The following DYNC1H1 variants were observed in gnomAD, a reference collection of about 807,000 sequenced individuals.
DYNC1H1 encodes the protein cytoplasmic dynein 1 heavy chain 1.
Under a neutral mutation model 527.1 loss-of-function variants are expected in DYNC1H1, and 51 were observed. The observed-to-expected ratio is 0.10, with a 90% CI of 0.08 to 0.12. The LOEUF (loss-of-function observed/expected upper bound fraction) is 0.12, where lower values mean the gene tolerates loss of function less well. Among genes scored for constraint, DYNC1H1 ranks in the 10% least tolerant of loss-of-function variants. The pLI is 1.00. For missense variants in DYNC1H1, 2,771 were observed against 5,971.8 expected, an observed-to-expected ratio of 0.46 and a Z score of 17.66; for synonymous variants, 2,189 against 2,278.8, an observed-to-expected ratio of 0.96 and a Z score of 1.12.
rs201479988 is a variant in DYNC1H1, at chr14:102,039,300, C to T, written c.11460+46C>T. On this transcript the variant is annotated intron_variant, in intron 60 of 77. Transcript: ENST00000360184. This position sits in a 1 kb window ranked among gnomAD's most constrained non-coding sequence, Gnocchi z 7.0. The stretch of plus-strand genomic sequence containing the variant: ...GAGACTGGCGGGCCCCGCACAGTAG[C>T]TCCTTGGCCGCACAGAGGCTGGCGG... 16 of 1,611,292 alleles carry T rather than the reference C, an allele frequency of 9.9e-6. No individual in the cohort carries two copies. The East Asian group carries it at 2.5e-4, about 25-fold the overall frequency.
chr14:101,987,268 CT>C (rs1312585107), intron 8 of DYNC1H1, among the ~76,000 whole-genome samples, 184 bp from the exon 9 acceptor site: 1 of 152,232 alleles, frequency 6.6e-6, no homozygotes, highest in Non-Finnish European at 1.5e-5. Context: ...ATGCATTTTC[CT>C]TTCCTCTGCA....
At position 102,001,726 on chromosome 14, in the gene DYNC1H1, A is replaced by G; in HGVS notation, c.4542+45A>G. On this transcript the variant is annotated intron_variant, in intron 21 of 77. Coordinates refer to ENST00000360184, the MANE Select transcript of DYNC1H1 (RefSeq NM_001376.5). The surrounding 1 kb of genome is among the most constrained non-coding windows in gnomAD (Gnocchi z 5.0). ...TTTCCCTCCCCACCAGTGGTCTCCC[A>G]CGCTTTCACTGTAATGCCTTTTCAC... 1 of 1,612,658 alleles carries G rather than the reference A, an allele frequency of 6.2e-7. No homozygotes were observed. The highest frequency in any genetic ancestry group is 8.5e-7 in the Non-Finnish European group (1 of 1,179,680).
In DYNC1H1 at chr14:102,047,637, GTGTGTA is replaced by G. The variant is rs772546616; in HGVS notation, c.13007-178_13007-173del. The G allele has an allele frequency of 3.2e-4, 125 of 393,780 alleles. 1 individual carries two copies. Among genetic ancestry groups the G allele is most frequent in the African/African-American group, 2.2e-3 (50 of 22,398 alleles). The allele number at this position is 393,780 out of a possible 1,614,324, so 24.4% of individuals were successfully genotyped here. A position where few individuals can be genotyped will look rare whatever the true frequency, so the allele number is the denominator to read the frequency against. On this transcript the variant is annotated intron_variant, in intron 72 of 77. Transcript: ENST00000360184. ...TATATACACGTGTGTGTGTGTGTGTGTGTGTATATATATATATATATATATATGTAC... is the reference window on the plus strand; with the variant it reads ...TATATACACGTGTGTGTGTGTGTGTGTATATATATATATATATATATGTAC...
chr14:102,042,260 G>T lies in DYNC1H1; in HGVS notation c.12247G>T (p.Ala4083Ser), dbSNP rs1333412604. The change falls in exon 67 of 78, where the codon GCA (alanine) becomes TCA (serine). Residue 4083 changes from alanine (A) to serine (S), a missense_variant. Ala to Ser is a moderately conservative substitution (Grantham distance 99). Coordinates refer to ENST00000360184, the MANE Select transcript of DYNC1H1 (RefSeq NM_001376.5). The surrounding 1 kb of genome is among the most constrained non-coding windows in gnomAD (Gnocchi z 5.7). Reference sequence around the variant, plus strand: ...AGAAGGCTTTAACCAAGCAGATAAGGCAATAAACACCGCTGTAAAGTCGGG... The same window carrying T: ...AGAAGGCTTTAACCAAGCAGATAAGTCAATAAACACCGCTGTAAAGTCGGG... ...SAEGFNQADKAINTAVKSGRW... is the reference protein window; with the variant it reads ...SAEGFNQADKSINTAVKSGRW... The T allele has an allele frequency of 1.2e-6, 2 of 1,613,900 alleles. No individual in the cohort carries two copies. Among genetic ancestry groups the T allele is most frequent in the Admixed American group, 3.3e-5 (2 of 59,974 alleles).
chr14:102,007,877 G>T (rs1316085826), intron 28 of DYNC1H1, among the ~76,000 whole-genome samples: 3 of 152,234 alleles, frequency 2.0e-5, no homozygotes, highest in African/African-American at 4.8e-5. Context: ...TCAGTTCCCA[G>T]TGAGGGCCCT....
chr14:102,013,262 A>AG (rs1245558704), intron 34 of DYNC1H1, among the ~76,000 whole-genome samples: 10 of 151,348 alleles, frequency 6.6e-5, no homozygotes, highest in Non-Finnish European at 1.2e-4. Context: ...AAAAAAAAAA[A>AG]AAAAAAAAAA....
intron 1 of DYNC1H1, among the ~76,000 whole-genome samples, chr14:101,966,635 T>C (rs2047671392): frequency 6.6e-6 from 1 of 152,220 alleles, no homozygotes; most frequent in Non-Finnish European, 1.5e-5. Flanking sequence ...GTATTTTGAG[T>C]AGCTTGACCA....
rs2047928831 is a variant in DYNC1H1 at position 101,985,672 on chromosome 14, A to C, written c.1462-15A>C. The C allele has an allele frequency of 1.2e-6, 2 of 1,613,794 alleles. No individual in the cohort carries two copies. Among genetic ancestry groups the C allele is most frequent in the East Asian group, 4.5e-5 (2 of 44,892 alleles). ...TTTGGTCAGCATTTCTTGATTACAT[A>C]TCTTTCTCCTTTAGGTCACGGCAGT... On this transcript the variant is annotated splice_polypyrimidine_tract_variant and intron_variant, in intron 7 of 77. Transcript: ENST00000360184. This position sits in a 1 kb window ranked among gnomAD's most constrained non-coding sequence, Gnocchi z 5.9.
intron 2 of DYNC1H1, among the ~76,000 whole-genome samples, chr14:101,976,953 G>A (rs2047808009): frequency 6.6e-6 from 1 of 152,180 alleles, no homozygotes. Flanking sequence ...AAGTATGCTG[G>A]AGGATGTGCA....
chr14:102,038,760 C>G lies in DYNC1H1; in HGVS notation c.11118C>G (p.Ser3706Arg). ...TTGTAAACTTCACAGTTACCCGTAGCAGTTTACAAAGCCAGTGTCTAAATG... is the reference window on the plus strand; with the variant it reads ...TTGTAAACTTCACAGTTACCCGTAGGAGTTTACAAAGCCAGTGTCTAAATG... ...VTFVNFTVTRSSLQSQCLNEV... is the reference protein window; with the variant it reads ...VTFVNFTVTRRSLQSQCLNEV... The change falls in exon 59 of 78, where the codon AGC becomes AGG. Residue 3706 changes from serine to arginine, a missense_variant. This residue lies in a region of DYNC1H1 where 283 missense variants were observed against 737.6 expected (regional missense o/e 0.38). Transcript: ENST00000360184. This position sits in a 1 kb window ranked among gnomAD's most constrained non-coding sequence, Gnocchi z 7.2. The G allele has an allele frequency of 1.2e-6, 2 of 1,614,190 alleles. No homozygotes were observed. The highest frequency in any genetic ancestry group is 1.7e-6 in the Non-Finnish European group (2 of 1,180,034).
In DYNC1H1 at chr14:102,005,880, T is replaced by C. The variant is rs750995703; in HGVS notation, c.5434-8T>C. The C allele has an allele frequency of 3.1e-6, 5 of 1,613,958 alleles. No homozygotes were observed. In the East Asian group the frequency reaches 8.9e-5, roughly 29 times the overall value. On this transcript the variant is annotated splice_polypyrimidine_tract_variant and splice_region_variant and intron_variant, in intron 26 of 77. Transcript: ENST00000360184. The surrounding 1 kb of genome is among the most constrained non-coding windows in gnomAD (Gnocchi z 4.0). Reference sequence around the variant, plus strand: ...AGATGAACTTTTAAAGTGACTCTCTTTCTTCAGATTACAGAGTTGGTTCAC... The same window carrying C: ...AGATGAACTTTTAAAGTGACTCTCTCTCTTCAGATTACAGAGTTGGTTCAC...
At chr14:102,032,246 C>A in intron 51 of DYNC1H1, 26 bp from the exon 52 acceptor site, 1 of 1,612,826 alleles carries the variant, frequency 6.2e-7, no homozygotes, top group Non-Finnish European at 8.5e-7. Flanking sequence ...ACCCATCGAC[C>A]CTCATCCACT....
chr14:102,042,218 C>T lies in DYNC1H1; in HGVS notation c.12215-10C>T, dbSNP rs371777460. 6.2e-7 allele frequency: 1 copy of T among 1,613,976 alleles called. No individual in the cohort carries two copies. The highest frequency in any genetic ancestry group is 8.5e-7 in the Non-Finnish European group (1 of 1,180,032). On this transcript the variant is annotated splice_polypyrimidine_tract_variant and intron_variant, in intron 66 of 77. Transcript: ENST00000360184. This position sits in a 1 kb window ranked among gnomAD's most constrained non-coding sequence, Gnocchi z 5.7. Reference sequence around the variant, plus strand: ...GCTGCCGCTGCTAACACTAAGTTTCCCTGCACCAGGCTCTGCAGAAGGCTT... The same window carrying T: ...GCTGCCGCTGCTAACACTAAGTTTCTCTGCACCAGGCTCTGCAGAAGGCTT...
In DYNC1H1 at chr14:101,985,282, T is replaced by C. The variant is rs946830146; in HGVS notation, c.1462-405T>C. Among the ~76,000 whole-genome samples, 1 of 152,090 alleles carries C rather than the reference T, an allele frequency of 6.6e-6. No homozygotes were observed. Among genetic ancestry groups the C allele is most frequent in the Non-Finnish European group, 1.5e-5 (1 of 68,018 alleles). On this transcript the variant is annotated intron_variant, in intron 7 of 77. Coordinates refer to ENST00000360184, the MANE Select transcript of DYNC1H1 (RefSeq NM_001376.5). The surrounding 1 kb of genome is among the most constrained non-coding windows in gnomAD (Gnocchi z 5.9). Reference sequence around the variant, plus strand: ...ATTTATAAAACAATTAAATGACTAATTTCTTTATATATATTTTTTTCTCTT... The same window carrying C: ...ATTTATAAAACAATTAAATGACTAACTTCTTTATATATATTTTTTTCTCTT...
rs754373791 is a variant in DYNC1H1 at position 101,999,948 on chromosome 14, A to T, written c.3805-41A>T. 3 of 1,613,710 alleles carry T rather than the reference A, an allele frequency of 1.9e-6. No individual in the cohort carries two copies. In the East Asian group the frequency reaches 6.7e-5, roughly 36 times the overall value. Reference sequence around the variant, plus strand: ...AAAGCCTAAATGCTCATCTCTCCTGAGACATTGTGCTCCAATTCTCTGTGC... The same window carrying T: ...AAAGCCTAAATGCTCATCTCTCCTGTGACATTGTGCTCCAATTCTCTGTGC... On this transcript the variant is annotated intron_variant, in intron 16 of 77. Coordinates refer to ENST00000360184, the MANE Select transcript of DYNC1H1 (RefSeq NM_001376.5).
rs1162197706 is a variant in DYNC1H1 at position 102,012,602 on chromosome 14, T to C, written c.7014+132T>C. ...GTAGTGATCATTGTGTAAGTAATTT[T>C]CAAAGATAGCATCTCAACTGCTAGA... On this transcript the variant is annotated intron_variant, in intron 34 of 77. Coordinates refer to ENST00000360184, the MANE Select transcript of DYNC1H1 (RefSeq NM_001376.5). The surrounding 1 kb of genome is among the most constrained non-coding windows in gnomAD (Gnocchi z 4.9). The C allele has an allele frequency of 2.3e-6, 3 of 1,291,258 alleles. No individual in the cohort carries two copies. Among genetic ancestry groups the C allele is most frequent in the Non-Finnish European group, 3.3e-6 (3 of 899,944 alleles). 80.0% of individuals were successfully genotyped at this position (1,291,258 alleles called of 1,614,324 possible). A position where few individuals can be genotyped will look rare whatever the true frequency, so the allele number is the denominator to read the frequency against.
chr14:101,999,929 T>G, intron 16 of DYNC1H1, 60 bp from the exon 17 acceptor site: 1 of 1,612,556 alleles, frequency 6.2e-7, no homozygotes, highest in Admixed American at 1.7e-5. Flanking sequence ...TTTTAAAGCC[T>G]AAATGCTCAT....
In DYNC1H1 at chr14:102,054,637, TG is replaced by T. The variant is rs2048857511; in HGVS notation, c.*4076del. On this transcript the variant is annotated 3_prime_UTR_variant, in exon 78 of 78. Coordinates refer to ENST00000360184, the MANE Select transcript of DYNC1H1 (RefSeq NM_001376.5). ...AGGCTGGAGTGCAATGGTGTGATCT[TG>T]GCTGACTGCAACCTCCGCCTCCCAA... 2 of 151,348 alleles carry T rather than the reference TG, an allele frequency of 1.3e-5. No individual in the cohort carries two copies. Among genetic ancestry groups the T allele is most frequent in the African/African-American group, 4.9e-5 (2 of 41,098 alleles). 9.4% of individuals were successfully genotyped at this position (151,348 alleles called of 1,614,324 possible).
intron 16 of DYNC1H1, among the ~76,000 whole-genome samples, chr14:101,998,017 T>C (rs1408359230): frequency 1.3e-5 from 2 of 152,214 alleles, no homozygotes; most frequent in Non-Finnish European, 2.9e-5. Context: ...GCAGAGGTGA[T>C]GTAGATAACA....
Sources: gnomAD v4.1 joint callset for allele counts (sites outside exome capture counted in the v4.1 genomes callset) on GRCh38, gnomAD v4.1.1 for gene constraint, gnomAD v4.1.1 regional missense constraint, Gnocchi (gnomAD v3.1) non-coding constraint, MANE v1.5 for transcripts, NCBI Gene and HGNC (gene_info 2026-07-23, HGNC 2026-07-21) for gene names.